The following GATAD2A variants were observed in gnomAD, a reference collection of about 807,000 sequenced individuals.
GATAD2A encodes the protein GATA zinc finger domain containing 2A.
Under a neutral mutation model 68.5 loss-of-function variants are expected in GATAD2A, and 12 were observed. That is an observed-to-expected ratio of 0.18 (90% CI 0.11 to 0.28). GATAD2A has a LOEUF of 0.28. Among genes scored for constraint, GATAD2A ranks in the 10% least tolerant of loss-of-function variants. The pLI is 1.00. For missense variants in GATAD2A, 755 were observed against 868.5 expected (o/e 0.87, Z 1.64); for synonymous variants, 410 against 375.3 (o/e 1.09, Z -1.07).
In GATAD2A at chr19:19,507,733, C is replaced by T. The variant is rs1011273724; in HGVS notation, c.*2259C>T. ...CCAGGGAGCATTCCATCAGGGACAA[C>T]GTACATACTGTGATGTAAACTTTTT... is the stretch of plus-strand genomic sequence containing the variant. On this transcript the variant is annotated 3_prime_UTR_variant, in exon 12 of 12. Coordinates refer to ENST00000683918, the MANE Select transcript of GATAD2A (RefSeq NM_001384528.1). 4 of 149,004 alleles carry T rather than the reference C, an allele frequency of 2.7e-5. No individual in the cohort carries two copies. In the South Asian group the frequency reaches 6.5e-4, roughly 24 times the overall value. The allele number at this position is 149,004 out of a possible 1,614,324, so 9.2% of individuals were successfully genotyped here. A position where few individuals can be genotyped will look rare whatever the true frequency, so the allele number is the denominator to read the frequency against.
At chr19:19,446,904 T>C (rs777063811) in intron 1 of GATAD2A, among the ~76,000 whole-genome samples, 16 of 152,236 alleles carry the variant, frequency 1.1e-4, no homozygotes, top group Admixed American at 1.3e-4. Context: ...TCTGTCAGGA[T>C]GAAGACATTT....
chr19:19,464,262 G>A (rs1367193339), intron 1 of GATAD2A, among the ~76,000 whole-genome samples: 3 of 152,246 alleles, frequency 2.0e-5, no homozygotes, highest in Non-Finnish European at 4.4e-5. Context: ...ATGGAAAACT[G>A]TGACACTTCG....
chr19:19,501,729 T>C (rs923475389), intron 9 of GATAD2A, among the ~76,000 whole-genome samples: 9 of 152,212 alleles, frequency 5.9e-5, no homozygotes, highest in Non-Finnish European at 1.2e-4. Flanking sequence ...AAGTTTTTTG[T>C]TCTCGTGTTG....
intron 1 of GATAD2A, among the ~76,000 whole-genome samples, chr19:19,456,625 T>C (rs555075854): frequency 6.6e-6 from 1 of 152,312 alleles, no homozygotes; most frequent in African/African-American, 2.4e-5. Context: ...GAGTGCTGCC[T>C]CTGTTGCGCT....
rs141008294 is a variant in GATAD2A, at chr19:19,456,633, G to A, written c.-6-8707G>A. Among the ~76,000 whole-genome samples the A allele has an allele frequency of 6.4e-4, 98 of 152,280 alleles. 2 individuals are homozygous for A. Among genetic ancestry groups the A allele is most frequent in the Admixed American group, 5.2e-4 (8 of 15,296 alleles). On this transcript the variant is annotated intron_variant, in intron 1 of 11. Transcript: ENST00000683918. Reference sequence around the variant, plus strand: ...TTTTTAGGAGTGCTGCCTCTGTTGCGCTACAGCAGAACTTAACCATACTTT... The same window carrying A: ...TTTTTAGGAGTGCTGCCTCTGTTGCACTACAGCAGAACTTAACCATACTTT...
chr19:19,498,487 G>A lies in GATAD2A; in HGVS notation c.969G>A (p.Gln323=), dbSNP rs757990733. ...SLKGTTATSA[Q]ANSTPTSVAS... ...AGGGGACAACAGCCACCTCCGCTCA[G>A]GCCAACTCCACCCCCACTAGTGTGG... Residue 323 remains glutamine (Q), a synonymous_variant, in exon 8 of 12, where the codon CAG becomes CAA. Transcript: ENST00000683918. The A allele has an allele frequency of 3.1e-6, 5 of 1,613,486 alleles. No homozygotes were observed.
intron 1 of GATAD2A, among the ~76,000 whole-genome samples, chr19:19,386,969 C>T (rs992380597): frequency 6.6e-6 from 1 of 151,962 alleles, no homozygotes; most frequent in African/African-American, 2.4e-5. Context: ...TCTGAGGACC[C>T]CCGCCTCTGA....
At chr19:19,413,397 G>C (rs891326623) in intron 1 of GATAD2A, among the ~76,000 whole-genome samples, 3 of 152,126 alleles carry the variant, frequency 2.0e-5, no homozygotes, top group Non-Finnish European at 4.4e-5. Flanking sequence ...CAGGACTTGC[G>C]TATCATTGAC....
At chr19:19,391,203 T>G (rs1268970473) in intron 1 of GATAD2A, among the ~76,000 whole-genome samples, 2 of 152,344 alleles carry the variant, frequency 1.3e-5, no homozygotes, top group East Asian at 3.9e-4. Context: ...CCCTGACGGC[T>G]AAAACCCAGG....
intron 1 of GATAD2A, chr19:19,439,981 A>T (rs2054813149): frequency 5.8e-6 from 1 of 173,512 alleles, no homozygotes; most frequent in African/African-American, 2.4e-5. Context: ...TGTGTTCATT[A>T]CAACACTCCG....
At chr19:19,438,688 G>C (rs912470695) in intron 1 of GATAD2A, among the ~76,000 whole-genome samples, 2 of 152,226 alleles carry the variant, frequency 1.3e-5, no homozygotes, top group African/African-American at 4.8e-5. Context: ...ATAGCATTCA[G>C]GCAGTCAGTT....
At position 19,473,963 on chromosome 19, in the gene GATAD2A, A is replaced by G. The variant is rs1227138280; in HGVS notation, c.269+8349A>G. On this transcript the variant is annotated intron_variant, in intron 2 of 11. Transcript: ENST00000683918. ...TCCGTCTCAAAAAAACAAAAACAACACATATTAACACCCAAGCCTTCCAAA... is the reference window on the plus strand; with the variant it reads ...TCCGTCTCAAAAAAACAAAAACAACGCATATTAACACCCAAGCCTTCCAAA... 15 of 788,088 alleles carry G rather than the reference A, an allele frequency of 1.9e-5. No individual in the cohort carries two copies. In the Admixed American group the frequency reaches 9.4e-4, roughly 49 times the overall value. 48.8% of individuals were successfully genotyped at this position (788,088 alleles called of 1,614,324 possible).
intron 1 of GATAD2A, among the ~76,000 whole-genome samples, chr19:19,410,730 C>T (rs2050818215): frequency 1.3e-5 from 2 of 152,194 alleles, no homozygotes; most frequent in African/African-American, 4.8e-5. Flanking sequence ...GTGCCTATTG[C>T]TGAGCAGCCT....
In GATAD2A at chr19:19,494,321, A is replaced by G; in HGVS notation, c.562A>G (p.Thr188Ala). 6.2e-7 allele frequency: 1 copy of G among 1,612,490 alleles called. No individual in the cohort carries two copies. The highest frequency in any genetic ancestry group is 1.1e-5 in the South Asian group (1 of 91,038). Residue 188 changes from threonine (T) to alanine (A), a missense_variant, in exon 5 of 12, where the codon ACC (threonine) becomes GCC (alanine). Thr to Ala is a moderately conservative substitution (Grantham distance 58). Transcript: ENST00000683918. ...CACAGGTTCTGTTGGGAGCACCGTGACCACCCCTCCCCCGCTTGTTCGGGG... is the reference window on the plus strand; with the variant it reads ...CACAGGTTCTGTTGGGAGCACCGTGGCCACCCCTCCCCCGCTTGTTCGGGG... ...KPTGSVGSTV[T>A]TPPPLVRGTQ...
chr19:19,402,720 TATTA>T (rs1292491713), upstream of GATAD2A: 1 of 149,324 alleles, frequency 6.7e-6, no homozygotes, highest in Non-Finnish European at 1.5e-5. Context: ...GAAAGTACAG[TATTA>T]ATTAACAACG....
intron 1 of GATAD2A, among the ~76,000 whole-genome samples, chr19:19,410,823 G>T (rs1222413233): frequency 1.3e-5 from 2 of 152,198 alleles, no homozygotes; most frequent in Non-Finnish European, 2.9e-5. Context: ...CCTAGCGAAA[G>T]ACCTTGTTGA....
In GATAD2A at chr19:19,436,981, A is replaced by G. The variant is rs1406877664; in HGVS notation, c.-6-28359A>G. Among the ~76,000 whole-genome samples, 4 of 152,216 alleles carry G rather than the reference A, an allele frequency of 2.6e-5. No individual in the cohort carries two copies. In the South Asian group the frequency reaches 8.3e-4, roughly 32 times the overall value. ...GTGAGATGTGGCTGCTCTGCTGACCATGGCACAGAACAAGTGTTGCGGTCA... is the reference window on the plus strand; with the variant it reads ...GTGAGATGTGGCTGCTCTGCTGACCGTGGCACAGAACAAGTGTTGCGGTCA... On this transcript the variant is annotated intron_variant, in intron 1 of 11. Transcript: ENST00000683918.
intron 2 of GATAD2A, among the ~76,000 whole-genome samples, chr19:19,490,200 A>G (rs867908119): frequency 1.3e-5 from 2 of 152,120 alleles, no homozygotes; most frequent in African/African-American, 4.8e-5. Flanking sequence ...CAGGGCTAGG[A>G]CCAGCGTTCA....
intron 1 of GATAD2A, among the ~76,000 whole-genome samples, chr19:19,415,937 A>G (rs932015033): frequency 6.9e-6 from 1 of 144,430 alleles, no homozygotes; most frequent in Admixed American, 6.9e-5. Flanking sequence ...TTAAGAGCAT[A>G]AAACTACTTT....
Sources: gnomAD v4.1 joint callset for allele counts (sites outside exome capture counted in the v4.1 genomes callset) on GRCh38, gnomAD v4.1.1 for gene constraint, MANE v1.5 for transcripts, NCBI Gene and HGNC (gene_info 2026-07-23, HGNC 2026-07-21) for gene names.